LIPG: variants seen among roughly 807,000 people sequenced by gnomAD.
LIPG encodes the protein lipase G, endothelial type, also known as endothelial lipase.
A neutral mutation model predicts 51.8 loss-of-function variants in LIPG; 34 were observed. That is an observed-to-expected ratio of 0.66 (90% CI 0.50 to 0.87). The LOEUF is 0.87. LIPG is among the 40% of genes least tolerant of loss of function. The probability of loss-of-function intolerance (pLI) is 0.00; values close to 1 mark genes in which losing one functional copy is unlikely to be tolerated. For synonymous variants in LIPG, 246 were observed against 246.1 expected, an observed-to-expected ratio of 1.00 and a Z score of 0.00; for missense variants, 580 against 652.7, an observed-to-expected ratio of 0.89 and a Z score of 1.21.
intron 9 of LIPG, 111 bp from the exon 10 acceptor site, chr18:49,590,390 G>A (rs2084928810): frequency 1.8e-6 from 2 of 1,090,354 alleles, no homozygotes; most frequent in Non-Finnish European, 2.8e-6. Flanking sequence ...TAGTCCCATA[G>A]GGGTGTCAGA....
chr18:49,561,875 G>A, upstream of LIPG: 3 of 1,273,628 alleles, frequency 2.4e-6, no homozygotes, highest in Non-Finnish European at 3.0e-6. Flanking sequence ...GGGGCCGAGC[G>A]TGCGGCGTCC....
At chr18:49,577,743 G>T (rs2084739129) in intron 5 of LIPG, among the ~76,000 whole-genome samples, 1 of 82,930 alleles carries the variant, frequency 1.2e-5, no homozygotes, top group Non-Finnish European at 2.4e-5. Context: ...CCGGGCGGGG[G>T]GGCTGACCCC....
intron 8 of LIPG, among the ~76,000 whole-genome samples, chr18:49,586,422 G>T (rs1406458031): frequency 5.9e-5 from 9 of 152,224 alleles, no homozygotes; most frequent in African/African-American, 1.9e-4. Flanking sequence ...GGCCAAGGGA[G>T]GGTTAGGTTA....
chr18:49,570,433 A>G (rs1415697184), intron 4 of LIPG, among the ~76,000 whole-genome samples: 1 of 152,142 alleles, frequency 6.6e-6, no homozygotes, highest in East Asian at 1.9e-4. Flanking sequence ...GCATTATTTT[A>G]TTTAAAATTA....
intron 4 of LIPG, 138 bp downstream of exon 4, chr18:49,569,686 C>T (rs535264395): frequency 1.9e-5 from 14 of 746,838 alleles, no homozygotes; most frequent in Middle Eastern, 3.8e-4. Context: ...ACTTCCCAAG[C>T]GTTTTTAGTC....
In LIPG at chr18:49,579,783, CTTTT is replaced by C. The variant is rs2084796731; in HGVS notation, c.794-1631_794-1628del. Among the ~76,000 whole-genome samples, 16 of 76,054 alleles carry C rather than the reference CTTTT, an allele frequency of 2.1e-4. 1 individual carries two copies. Among genetic ancestry groups the C allele is most frequent in the African/African-American group, 7.4e-4 (14 of 18,860 alleles). The allele number at this position is 76,054 out of a possible 152,430, so 49.9% of individuals were successfully genotyped here. A position where few individuals can be genotyped will look rare whatever the true frequency, so the allele number is the denominator to read the frequency against. Reference sequence around the variant, plus strand: ...CCTTTCCTTTCTTTTCTTTTCTTTTCTTTTCTTTTCTTTTCTTTTCTTTTCTTTT... The same window carrying C: ...CCTTTCCTTTCTTTTCTTTTCTTTTCCTTTTCTTTTCTTTTCTTTTCTTTT... On this transcript the variant is annotated intron_variant, in intron 5 of 9. Coordinates refer to ENST00000261292, the MANE Select transcript of LIPG (RefSeq NM_006033.4).
At chr18:49,570,325 T>C (rs2084649534) in intron 4 of LIPG, among the ~76,000 whole-genome samples, 1 of 152,218 alleles carries the variant, frequency 6.6e-6, no homozygotes, top group Admixed American at 6.5e-5. Flanking sequence ...TAAAAGGTTT[T>C]CTTTCTCATT....
chr18:49,583,931 A>G (rs1266113722), intron 8 of LIPG, among the ~76,000 whole-genome samples, 157 bp downstream of exon 8: 1 of 152,174 alleles, frequency 6.6e-6, no homozygotes, highest in East Asian at 1.9e-4. Flanking sequence ...TGACTTCCAG[A>G]TCAAGGCTTC....
rs918015331 is a variant in LIPG, at chr18:49,592,311, C to A, written c.*1789C>A. 32 of 152,160 alleles carry A rather than the reference C, an allele frequency of 2.1e-4. No homozygotes were observed. Among genetic ancestry groups the A allele is most frequent in the Admixed American group, 2.0e-3 (30 of 15,280 alleles). 9.4% of individuals were successfully genotyped at this position (152,160 alleles called of 1,614,324 possible). A position where few individuals can be genotyped will look rare whatever the true frequency, so the allele number is the denominator to read the frequency against. On this transcript the variant is annotated 3_prime_UTR_variant, in exon 10 of 10. Coordinates refer to ENST00000261292, the MANE Select transcript of LIPG (RefSeq NM_006033.4). ...AGCGAAGCTTGTACAGGTTGAGTAT[C>A]CCTTATCCAAAATGCTTGGAACCAG...
At position 49,569,487 on chromosome 18, in the gene LIPG, C is replaced by T. The variant is rs376166078; in HGVS notation, c.510C>T (p.Leu170=). The T allele has an allele frequency of 4.0e-5, 64 of 1,614,162 alleles. No individual in the cohort carries two copies. Among genetic ancestry groups the T allele is most frequent in the Middle Eastern group, 3.3e-4 (2 of 6,062 alleles). ...LGNVHLIGYS[L]GAHVAGYAGN... Reference sequence around the variant, plus strand: ...ATGTCCACTTGATCGGCTACAGCCTCGGAGCGCACGTGGCCGGGTATGCAG... The same window carrying T: ...ATGTCCACTTGATCGGCTACAGCCTTGGAGCGCACGTGGCCGGGTATGCAG... The change falls in exon 4 of 10, where the codon CTC becomes CTT. Residue 170 remains leucine, a synonymous_variant. Coordinates refer to ENST00000261292, the MANE Select transcript of LIPG (RefSeq NM_006033.4).
At chr18:49,573,961 G>A (rs574117866) in intron 4 of LIPG, among the ~76,000 whole-genome samples, 1 of 152,176 alleles carries the variant, frequency 6.6e-6, no homozygotes, top group African/African-American at 2.4e-5. Context: ...ATGTTTAGCT[G>A]TATTCCTGGC....
At chr18:49,590,110 G>T in intron 9 of LIPG, 1 of 351,408 alleles carries the variant, frequency 2.8e-6, no homozygotes, top group Non-Finnish European at 5.5e-6. Flanking sequence ...TGTCTCTCTT[G>T]TATTTCTAGA....
intron 3 of LIPG, 47 bp downstream of exon 3, chr18:49,567,668 A>G (rs1382690010): frequency 6.3e-7 from 1 of 1,590,848 alleles, no homozygotes; most frequent in Non-Finnish European, 8.6e-7. Context: ...AGGATCTCAA[A>G]CCCAATCTTC....
chr18:49,565,259 C>T (rs2084590230), intron 1 of LIPG, 58 bp from the exon 2 acceptor site: 11 of 1,559,674 alleles, frequency 7.1e-6, no homozygotes, highest in Non-Finnish European at 9.7e-6. Context: ...AATCAGACCC[C>T]AGGTCTCTCA....
chr18:49,577,473 G>T (rs1425414918), intron 5 of LIPG, among the ~76,000 whole-genome samples: 2 of 145,432 alleles, frequency 1.4e-5, no homozygotes, highest in African/African-American at 2.6e-5. Context: ...CACCTTTCCC[G>T]CCTTTCTATT....
intron 4 of LIPG, among the ~76,000 whole-genome samples, chr18:49,573,644 C>T (rs534873257): frequency 1.1e-3 from 166 of 152,210 alleles, no homozygotes; most frequent in Admixed American, 4.4e-3. Context: ...TCAGCCTCTA[C>T]CAGTTCTCAT....
chr18:49,561,871 G>A (rs541447271), upstream of LIPG: 2 of 1,268,228 alleles, frequency 1.6e-6, no homozygotes, highest in Middle Eastern at 3.0e-4. Flanking sequence ...AAGCGGGGCC[G>A]AGCGTGCGGC....
rs954969283 is a variant in LIPG at position 49,596,154 on chromosome 18, C to T, written c.*5632C>T. On this transcript the variant is annotated 3_prime_UTR_variant, in exon 10 of 10. Transcript: ENST00000261292. The stretch of plus-strand genomic sequence containing the variant: ...AAAGTAGAAGTTAAAACCATCAACC[C>T]CCCCAAAACAAAAATGAATTCCATC... 2.0e-5 allele frequency: 3 copies of T among 151,872 alleles called. No individual in the cohort carries two copies. Among genetic ancestry groups the T allele is most frequent in the Non-Finnish European group, 4.4e-5 (3 of 67,976 alleles). The allele number at this position is 151,872 out of a possible 1,614,324, so 9.4% of individuals were successfully genotyped here. A position where few individuals can be genotyped will look rare whatever the true frequency, so the allele number is the denominator to read the frequency against.
Position 49,562,163 on chromosome 18 carries a change from G to A in LIPG, c.-146G>A. On this transcript the variant is annotated 5_prime_UTR_variant, in exon 1 of 10. Coordinates refer to ENST00000261292, the MANE Select transcript of LIPG (RefSeq NM_006033.4). Reference sequence around the variant, plus strand: ...CACCGCCCGGGCTCCGTGCCGCCAAGTTTTCATTTTCCACCTTCTCTGCCT... The same window carrying A: ...CACCGCCCGGGCTCCGTGCCGCCAAATTTTCATTTTCCACCTTCTCTGCCT... The A allele has an allele frequency of 6.7e-7, 1 of 1,498,746 alleles. No homozygotes were observed. Among genetic ancestry groups the A allele is most frequent in the South Asian group, 1.3e-5 (1 of 76,640 alleles). The allele number at this position is 1,498,746 out of a possible 1,614,324, so 92.8% of individuals were successfully genotyped here. A position where few individuals can be genotyped will look rare whatever the true frequency, so the allele number is the denominator to read the frequency against.
Sources: allele counts gnomAD v4.1 joint callset (sites outside exome capture counted in the v4.1 genomes callset), GRCh38; gene constraint gnomAD v4.1.1; transcripts MANE v1.5; gene names NCBI Gene and HGNC (gene_info 2026-07-23, HGNC 2026-07-21).